The following KIT variants were observed in gnomAD, a reference collection of about 807,000 sequenced individuals.
KIT encodes KIT proto-oncogene, receptor tyrosine kinase.
A neutral mutation model predicts 105.7 loss-of-function variants in KIT; 16 were observed. The ratio of observed to expected loss-of-function variants is 0.15; its 90% CI spans 0.10 to 0.23. KIT has a LOEUF of 0.23. Ranked by LOEUF, KIT falls within the 10% of genes least tolerant of loss-of-function variation. The pLI is 1.00. For missense variants in KIT, 858 were observed against 1,213.8 expected, an observed-to-expected ratio of 0.71 and a Z score of 4.36; for synonymous variants, 438 against 441.1, an observed-to-expected ratio of 0.99 and a Z score of 0.09.
intron 7 of KIT, among the ~76,000 whole-genome samples, chr4:54,710,605 G>A (rs528649724): frequency 2.9e-4 from 1 of 3,404 alleles, no homozygotes; most frequent in South Asian, 0.12. Context: ...GGAGTGCAGT[G>A]ACATCTCGAT....
At chr4:54,731,702 T>C (rs1029523921) in intron 15 of KIT, among the ~76,000 whole-genome samples, 169 bp from the exon 16 acceptor site, 4 of 152,168 alleles carry the variant, frequency 2.6e-5, no homozygotes, top group Admixed American at 1.3e-4. Context: ...TTGTTAAATA[T>C]TAACTTTGTG....
At position 54,736,803 on chromosome 4, in the gene KIT, A is replaced by G. The variant is rs1060504657; in HGVS notation, c.2679A>G (p.Glu893=). Residue 893 remains glutamate (E), a synonymous_variant, in exon 19 of 21, where the codon GAA becomes GAG. Coordinates refer to ENST00000288135, the MANE Select transcript of KIT (RefSeq NM_000222.3). ...AAGGCTTCCGGATGCTCAGCCCTGA[A>G]CACGCACCTGCTGAAATGTAAGAGC... is the stretch of plus-strand genomic sequence containing the variant. ...IKEGFRMLSP[E]HAPAEMYDIM... 5 of 1,614,078 alleles carry G rather than the reference A, an allele frequency of 3.1e-6. No homozygotes were observed. Among genetic ancestry groups the G allele is most frequent in the Non-Finnish European group, 4.2e-6 (5 of 1,179,936 alleles).
intron 16 of KIT, among the ~76,000 whole-genome samples, chr4:54,732,279 T>C (rs537719053): frequency 6.6e-6 from 1 of 152,254 alleles, no homozygotes; most frequent in Admixed American, 6.5e-5. Context: ...CTTTTAAAAC[T>C]TTTGGCTTTT....
chr4:54,692,923 T>TAAAC (rs1345919439), intron 1 of KIT, among the ~76,000 whole-genome samples: 2 of 152,212 alleles, frequency 1.3e-5, no homozygotes, highest in Non-Finnish European at 2.9e-5. Flanking sequence ...ATTTGGCTAA[T>TAAAC]AAACAGGAAT....
At chr4:54,725,522 T>C (rs1043079341) in intron 8 of KIT, among the ~76,000 whole-genome samples, 2 of 152,206 alleles carry the variant, frequency 1.3e-5, no homozygotes, top group African/African-American at 4.8e-5. Context: ...TGCCTGCCAT[T>C]TTATTGAATT....
chr4:54,730,712 C>T (rs1722532118), intron 14 of KIT, among the ~76,000 whole-genome samples: 2 of 152,066 alleles, frequency 1.3e-5, no homozygotes, highest in Admixed American at 6.6e-5. Flanking sequence ...ATTGGAACCA[C>T]CAGCACACTC....
At position 54,657,983 on chromosome 4, in the gene KIT, A is replaced by G. The variant is rs774737606; in HGVS notation, c.-32A>G. 21 of 1,609,292 alleles carry G rather than the reference A, an allele frequency of 1.3e-5. No individual in the cohort carries two copies. Among genetic ancestry groups the G allele is most frequent in the East Asian group, 4.5e-5 (2 of 44,788 alleles). On this transcript the variant is annotated 5_prime_UTR_variant, in exon 1 of 21. Transcript: ENST00000288135. ...CACTTGGGCGAGAGCTGGAACGTGGACCAGAGCTCGGATCCCATCGCAGCT... is the reference window on the plus strand; with the variant it reads ...CACTTGGGCGAGAGCTGGAACGTGGGCCAGAGCTCGGATCCCATCGCAGCT...
chr4:54,709,989 C>T lies in KIT; in HGVS notation c.1231+450C>T, dbSNP rs56037660. Among the ~76,000 whole-genome samples the T allele has an allele frequency of 3.1e-3, 470 of 152,298 alleles. 2 individuals carry two copies. Among genetic ancestry groups the T allele is most frequent in the Non-Finnish European group, 5.5e-3 (376 of 68,022 alleles). On this transcript the variant is annotated intron_variant, in intron 7 of 20. Transcript: ENST00000288135. ...TGTTACTTGTGTTTAGATTGTTCTT[C>T]CACTGAGACAAATGCAATACTGACA...
chr4:54,683,419 G>A (rs1191021133), intron 1 of KIT, among the ~76,000 whole-genome samples: 1 of 152,112 alleles, frequency 6.6e-6, no homozygotes, highest in Admixed American at 6.5e-5. Flanking sequence ...GGAGAATAGC[G>A]TGAGCCCAGG....
intron 1 of KIT, among the ~76,000 whole-genome samples, chr4:54,659,613 A>G (rs1717093903): frequency 6.6e-6 from 1 of 151,804 alleles, no homozygotes; most frequent in South Asian, 2.1e-4. Flanking sequence ...TTGCATCTGG[A>G]CCCCTGTGCA....
At position 54,731,336 on chromosome 4, in the gene KIT, G is replaced by T. The variant is rs1239669396; in HGVS notation, c.2150G>T (p.Ser717Ile). ...TGTTTCATCTCTCCCAGCAGCGATAGTACTAATGAGTACATGGACATGAAA... is the reference window on the plus strand; with the variant it reads ...TGTTTCATCTCTCCCAGCAGCGATATTACTAATGAGTACATGGACATGAAA... ...LHSKESSCSD[S>I]TNEYMDMKPG... The change falls in exon 15 of 21, where the codon AGT (serine) becomes ATT (isoleucine). Residue 717 changes from serine to isoleucine, a missense_variant. Ser to Ile is a moderately radical substitution (Grantham distance 142). Coordinates refer to ENST00000288135, the MANE Select transcript of KIT (RefSeq NM_000222.3). 1.2e-6 allele frequency: 2 copies of T among 1,611,952 alleles called. No homozygotes were observed. Among genetic ancestry groups the T allele is most frequent in the African/African-American group, 2.7e-5 (2 of 74,846 alleles).
intron 1 of KIT, among the ~76,000 whole-genome samples, chr4:54,666,826 T>A (rs1362053342): frequency 1.3e-5 from 2 of 152,024 alleles, no homozygotes; most frequent in African/African-American, 4.8e-5. Context: ...TGGGGCAGAG[T>A]TTCTCATAAA....
intron 2 of KIT, among the ~76,000 whole-genome samples, chr4:54,696,069 A>G (rs1272174262): frequency 2.6e-5 from 4 of 152,180 alleles, no homozygotes; most frequent in East Asian, 1.9e-4. Context: ...CTGAGAATCA[A>G]TTAGGCCCTT....
chr4:54,690,249 G>T lies in KIT; in HGVS notation c.68-5263G>T, dbSNP rs1261263453. Reference sequence around the variant, plus strand: ...TTGAGTTTCTGCTTTCAATTATATAGGTTGAATTTTATACTGCTAGTGATG... The same window carrying T: ...TTGAGTTTCTGCTTTCAATTATATATGTTGAATTTTATACTGCTAGTGATG... On this transcript the variant is annotated intron_variant, in intron 1 of 20. Transcript: ENST00000288135. Among the ~76,000 whole-genome samples the T allele has an allele frequency of 2.6e-5, 4 of 152,166 alleles. No homozygotes were observed. The South Asian group carries it at 8.3e-4, about 32-fold the overall frequency.
At chr4:54,723,085 C>G (rs1246654386) in intron 7 of KIT, among the ~76,000 whole-genome samples, 1 of 151,946 alleles carries the variant, frequency 6.6e-6, no homozygotes, top group Admixed American at 6.6e-5. Context: ...CCTTCCACCC[C>G]CAAAAAGGAG....
At position 54,727,934 on chromosome 4, in the gene KIT, T is replaced by A. The variant is rs751507194; in HGVS notation, c.1879+7T>A. Reference sequence around the variant, plus strand: ...GCTGTAAAGATGCTCAAGCGTAAGTTCCTGTATGGTACTGCATGCGCTTGA... The same window carrying A: ...GCTGTAAAGATGCTCAAGCGTAAGTACCTGTATGGTACTGCATGCGCTTGA... On this transcript the variant is annotated splice_region_variant and intron_variant, in intron 12 of 20. Coordinates refer to ENST00000288135, the MANE Select transcript of KIT (RefSeq NM_000222.3). 3 of 1,612,914 alleles carry A rather than the reference T, an allele frequency of 1.9e-6. No individual in the cohort carries two copies. Among genetic ancestry groups the A allele is most frequent in the Non-Finnish European group, 1.7e-6 (2 of 1,178,868 alleles).
At chr4:54,693,867 T>A (rs1321590862) in intron 1 of KIT, among the ~76,000 whole-genome samples, 2 of 152,124 alleles carry the variant, frequency 1.3e-5, no homozygotes, top group Non-Finnish European at 2.9e-5. Flanking sequence ...TGCTTTTTCA[T>A]CCCGCTGATA....
rs758061831 is a variant in KIT at position 54,723,628 on chromosome 4, C to G, written c.1276C>G (p.Leu426Val). The change falls in exon 8 of 21, where the codon CTC becomes GTC. Residue 426 changes from leucine to valine, a missense_variant. Physicochemically the swap from Leu to Val is conservative, Grantham distance 32. Around this residue, in one of 7 missense-constraint regions of KIT, gnomAD observed 401 missense variants for 601.0 expected, o/e 0.67. Coordinates refer to ENST00000288135, the MANE Select transcript of KIT (RefSeq NM_000222.3). ...LTYDRLVNGM[L>V]QCVAAGFPEP... ...TTACGACAGGCTCGTGAATGGCATG[C>G]TCCAATGTGTGGCAGCAGGATTCCC... The G allele has an allele frequency of 4.3e-6, 7 of 1,614,082 alleles. No individual in the cohort carries two copies. Among genetic ancestry groups the G allele is most frequent in the Non-Finnish European group, 5.9e-6 (7 of 1,179,978 alleles).
chr4:54,679,089 T>C (rs1718720989), intron 1 of KIT, among the ~76,000 whole-genome samples: 1 of 152,228 alleles, frequency 6.6e-6, no homozygotes, highest in African/African-American at 2.4e-5. Flanking sequence ...CTGAGGGCCC[T>C]GCTCCAAGGA....
Sources: allele counts gnomAD v4.1 joint callset (sites outside exome capture counted in the v4.1 genomes callset), GRCh38; gene constraint gnomAD v4.1.1; regional missense constraint gnomAD v4.1.1; transcripts MANE v1.5; gene names NCBI Gene and HGNC (gene_info 2026-07-23, HGNC 2026-07-21).